Variants in SYT13 observed in about 807,000 individuals in gnomAD.
SYT13 encodes synaptotagmin 13, also known as synaptotagmin-13.
Under a neutral mutation model 38.6 loss-of-function variants are expected in SYT13, and 21 were observed. The observed-to-expected ratio is 0.54, with a 90% CI of 0.39 to 0.78. The LOEUF is 0.78. Among genes scored for constraint, SYT13 ranks in the 30% least tolerant of loss-of-function variants. The probability of loss-of-function intolerance (pLI) is 0.00; values close to 1 mark genes in which losing one functional copy is unlikely to be tolerated. For missense variants in SYT13, 495 were observed against 548.7 expected (o/e 0.90, Z 0.98); for synonymous variants, 241 against 237.6 (o/e 1.01, Z -0.13).
At chr11:45,251,178 C>T (rs1192530290) in intron 4 of SYT13, among the ~76,000 whole-genome samples, 1 of 151,836 alleles carries the variant, frequency 6.6e-6, no homozygotes, top group Non-Finnish European at 1.5e-5. Context: ...ATCACAAGGT[C>T]AGGAGATCAA....
chr11:45,285,238 C>G (rs893904073), intron 1 of SYT13, among the ~76,000 whole-genome samples: 1 of 152,230 alleles, frequency 6.6e-6, no homozygotes, highest in Admixed American at 6.5e-5. Context: ...ACTGCTTCCC[C>G]AGACCCCTTC....
At position 45,258,860 on chromosome 11, in the gene SYT13, C is replaced by T. The variant is rs1247416034; in HGVS notation, c.184-2969G>A. Among the ~76,000 whole-genome samples, 3 of 152,180 alleles carry T rather than the reference C, an allele frequency of 2.0e-5. No individual in the cohort carries two copies. The East Asian group carries it at 5.8e-4, about 29-fold the overall frequency. ...GACACACAGAGCGATGACTAATGTC[C>T]CCGTCTTTCTACCCTACACAAAGTC... On this transcript the variant is annotated intron_variant, in intron 1 of 5. Transcript: ENST00000020926.
chr11:45,272,430 T>C (rs781705510), intron 1 of SYT13, among the ~76,000 whole-genome samples: 5 of 152,222 alleles, frequency 3.3e-5, no homozygotes, highest in Non-Finnish European at 7.3e-5. Context: ...GACAAAGTGA[T>C]TCTTCTGTGT....
intron 1 of SYT13, among the ~76,000 whole-genome samples, chr11:45,278,350 C>G (rs913738070): frequency 6.6e-6 from 1 of 152,122 alleles, no homozygotes; most frequent in Non-Finnish European, 1.5e-5. Flanking sequence ...AACAAAGGGA[C>G]TGTCTCCACA....
At chr11:45,284,949 G>A (rs1213270754) in intron 1 of SYT13, among the ~76,000 whole-genome samples, 1 of 152,184 alleles carries the variant, frequency 6.6e-6, no homozygotes, top group African/African-American at 2.4e-5. Flanking sequence ...GACTGACACA[G>A]GCCCCACACA....
In SYT13 at chr11:45,252,709, G is replaced by A; in HGVS notation, c.558C>T (p.Asn186=). ...CGTAGCAGTCACAGCCTCCGTCGTG[G>A]TTGCTGGTCACAGCTGCAGGCAAGG... is the stretch of plus-strand genomic sequence containing the variant. ...FVTRLEAVTS[N]HDGGCDCYVQ... is the part of the protein sequence containing the mutation. Residue 186 remains asparagine (N), a synonymous_variant, in exon 4 of 6, where the codon AAC becomes AAT. Transcript: ENST00000020926. This position sits in a 1 kb window ranked among gnomAD's most constrained non-coding sequence, Gnocchi z 4.3. 6.3e-7 allele frequency: 1 copy of A among 1,577,370 alleles called. No homozygotes were observed. The highest frequency in any genetic ancestry group is 8.7e-7 in the Non-Finnish European group (1 of 1,155,444).
Position 45,244,307 on chromosome 11 carries a change from C to A in SYT13, c.1026G>T (p.Lys342Asn). The change falls in exon 6 of 6, where the codon AAG becomes AAT. Residue 342 changes from lysine to asparagine, a missense_variant. Coordinates refer to ENST00000020926, the MANE Select transcript of SYT13 (RefSeq NM_020826.3). ...TLKHQARKLK[K>N]KQTKRAKHKI... ...TGTGCTTAGCTCGTTTAGTCTGCTTCTTCTTCAGCTTCCGAGCCTGGTGCT... is the reference window on the plus strand; with the variant it reads ...TGTGCTTAGCTCGTTTAGTCTGCTTATTCTTCAGCTTCCGAGCCTGGTGCT... 1.2e-6 allele frequency: 2 copies of A among 1,613,996 alleles called. No individual in the cohort carries two copies. Among genetic ancestry groups the A allele is most frequent in the Non-Finnish European group, 1.7e-6 (2 of 1,180,012 alleles).
Position 45,244,372 on chromosome 11 carries a change from G to C in SYT13, c.977-16C>G. On this transcript the variant is annotated splice_polypyrimidine_tract_variant and intron_variant, in intron 5 of 5. Transcript: ENST00000020926. ...ACAGAGACATCTGGGGAGGGGCAGAGGGGAAAAAGAGACAGAGAGAAGGGA... is the reference window on the plus strand; with the variant it reads ...ACAGAGACATCTGGGGAGGGGCAGACGGGAAAAAGAGACAGAGAGAAGGGA... The C allele has an allele frequency of 6.2e-7, 1 of 1,604,592 alleles. No homozygotes were observed. Among genetic ancestry groups the C allele is most frequent in the Non-Finnish European group, 8.5e-7 (1 of 1,174,260 alleles).
Position 45,244,008 on chromosome 11 carries a change from G to C in SYT13, c.*44C>G, listed in dbSNP as rs1390605734. On this transcript the variant is annotated 3_prime_UTR_variant, in exon 6 of 6. Coordinates refer to ENST00000020926, the MANE Select transcript of SYT13 (RefSeq NM_020826.3). ...GGGGCACAGAAAGGAGGTTGCAGAG[G>C]ACGGGTCAGGGCTGTCCAAGAAGGG... 6.5e-7 allele frequency: 1 copy of C among 1,534,916 alleles called. No individual in the cohort carries two copies. The highest frequency in any genetic ancestry group is 1.8e-5 in the Admixed American group (1 of 54,812).
chr11:45,276,304 C>T (rs527248225), intron 1 of SYT13, among the ~76,000 whole-genome samples: 4 of 152,268 alleles, frequency 2.6e-5, no homozygotes, highest in Admixed American at 2.6e-4. Context: ...AAGCTGGAAA[C>T]TATCATTCTC....
chr11:45,263,039 C>A (rs866340531), intron 1 of SYT13, among the ~76,000 whole-genome samples: 7 of 152,110 alleles, frequency 4.6e-5, no homozygotes, highest in Non-Finnish European at 8.8e-5. Flanking sequence ...CTGTGCTTGT[C>A]CTCTCTCCTC....
chr11:45,275,020 T>C (rs1234585614), intron 1 of SYT13, among the ~76,000 whole-genome samples: 2 of 152,144 alleles, frequency 1.3e-5, no homozygotes, highest in Non-Finnish European at 2.9e-5. Context: ...TTTCTTGATA[T>C]ATCACTAAAG....
rs762146736 is a variant in SYT13 at position 45,244,044 on chromosome 11, G to A, written c.*8C>T. The A allele has an allele frequency of 4.4e-6, 7 of 1,586,446 alleles. No individual in the cohort carries two copies. In the Admixed American group the frequency reaches 1.0e-4, roughly 23 times the overall value. ...GCTGTCCAAGAAGGGAGGCAGCTGG[G>A]CAGCTGGTTACAGGTGCAGCTGGTG... On this transcript the variant is annotated 3_prime_UTR_variant, in exon 6 of 6. Transcript: ENST00000020926.
At chr11:45,267,606 G>C (rs1225541315) in intron 1 of SYT13, among the ~76,000 whole-genome samples, 1 of 152,076 alleles carries the variant, frequency 6.6e-6, no homozygotes, top group Non-Finnish European at 1.5e-5. Flanking sequence ...CTGCTCACAG[G>C]CACGGCCTCC....
At position 45,243,215 on chromosome 11, in the gene SYT13, C is replaced by A. The variant is rs1477511037; in HGVS notation, c.*837G>T. On this transcript the variant is annotated 3_prime_UTR_variant, in exon 6 of 6. Transcript: ENST00000020926. ...ATTTTAAGATAAAAACAATAAAATT[C>A]TTCAATAAAAAGCACAAAATTCAGT... The A allele has an allele frequency of 6.6e-6, 1 of 152,148 alleles. No homozygotes were observed. Among genetic ancestry groups the A allele is most frequent in the Non-Finnish European group, 1.5e-5 (1 of 68,030 alleles). 9.4% of individuals were successfully genotyped at this position (152,148 alleles called of 1,614,324 possible).
chr11:45,257,569 C>T (rs901194558), intron 1 of SYT13, among the ~76,000 whole-genome samples: 3 of 152,160 alleles, frequency 2.0e-5, no homozygotes, highest in African/African-American at 7.2e-5. Flanking sequence ...AGGGAGTGGA[C>T]GTGGTCTGGC....
chr11:45,278,377 G>A (rs1413504816), intron 1 of SYT13, among the ~76,000 whole-genome samples: 4 of 152,154 alleles, frequency 2.6e-5, no homozygotes, highest in Non-Finnish European at 5.9e-5. Flanking sequence ...GATTGCTCTC[G>A]TAGGTCTTTG....
At chr11:45,272,410 A>G (rs1470818040) in intron 1 of SYT13, among the ~76,000 whole-genome samples, 1 of 152,222 alleles carries the variant, frequency 6.6e-6, no homozygotes, top group African/African-American at 2.4e-5. Context: ...AGTCTCTGCC[A>G]TGTTTGGGCG....
At chr11:45,285,907 T>TCC in intron 1 of SYT13, 118 bp downstream of exon 1, 1 of 1,145,374 alleles carries the variant, frequency 8.7e-7, no homozygotes, top group East Asian at 6.3e-5. Flanking sequence ...TGCTGTCCCC[T>TCC]CCCCGCCAAG....
Sources: allele counts gnomAD v4.1 joint callset (sites outside exome capture counted in the v4.1 genomes callset), GRCh38; gene constraint gnomAD v4.1.1; non-coding constraint Gnocchi (gnomAD v3.1); transcripts MANE v1.5; gene names NCBI Gene and HGNC (gene_info 2026-07-23, HGNC 2026-07-21).